TAF10: variants seen among roughly 807,000 people sequenced by gnomAD.
TAF10 encodes the protein transcription initiation factor TFIID subunit 10.
TAF10 carries 2 observed loss-of-function variants against 18.1 expected under a neutral mutation model. That is an observed-to-expected ratio of 0.11 (90% CI 0.05 to 0.35). TAF10 has a LOEUF of 0.35. TAF10 is among the 10% of genes least tolerant of loss of function. The pLI is 1.00. For synonymous variants in TAF10, 158 were observed against 134.6 expected (o/e 1.17, Z -1.20); for missense variants, 293 against 306.9 (o/e 0.95, Z 0.34).
Position 6,608,532 on chromosome 11 carries a change from A to C in TAF10, c.*2390T>G. ...AATTCCTGAGATGGGTAGGAAGTAA[A>C]GTCTGAGCCTTGGTGGGAGATTTTG... On this transcript the variant is annotated 3_prime_UTR_variant, in exon 5 of 5. Coordinates refer to ENST00000299424, the MANE Select transcript of TAF10 (RefSeq NM_006284.4). The surrounding 1 kb of genome is among the most constrained non-coding windows in gnomAD (Gnocchi z 4.9). 1 of 1,532,564 alleles carries C rather than the reference A, an allele frequency of 6.5e-7. No individual in the cohort carries two copies. The highest frequency in any genetic ancestry group is 9.0e-7 in the Non-Finnish European group (1 of 1,105,696). The allele number at this position is 1,532,564 out of a possible 1,614,324, so 94.9% of individuals were successfully genotyped here. A position where few individuals can be genotyped will look rare whatever the true frequency, so the allele number is the denominator to read the frequency against.
At position 6,609,015 on chromosome 11, in the gene TAF10, GC is replaced by G; in HGVS notation, c.*1906del. On this transcript the variant is annotated 3_prime_UTR_variant, in exon 5 of 5. Transcript: ENST00000299424. ...AGGGTTGTAAAAGGAAATAATCCTGGCCTCTTGGGGCTGGGTTAGGGTGAAG... is the reference window on the plus strand; with the variant it reads ...AGGGTTGTAAAAGGAAATAATCCTGGCTCTTGGGGCTGGGTTAGGGTGAAG... 6.2e-7 allele frequency: 1 copy of G among 1,612,404 alleles called. No individual in the cohort carries two copies. The highest frequency in any genetic ancestry group is 1.6e-4 in the Middle Eastern group (1 of 6,062).
rs1243705654 is a variant in TAF10 at position 6,610,032 on chromosome 11, G to A, written c.*890C>T. The A allele has an allele frequency of 6.2e-7, 1 of 1,614,030 alleles. No individual in the cohort carries two copies. The highest frequency in any genetic ancestry group is 1.3e-5 in the African/African-American group (1 of 74,918). ...GTATGCACCTGCCTGGGTAGCCCCC[G>A]AAGGTGAGTGAAGTCATCATGTCGG... On this transcript the variant is annotated 3_prime_UTR_variant, in exon 5 of 5. Coordinates refer to ENST00000299424, the MANE Select transcript of TAF10 (RefSeq NM_006284.4).
Position 6,609,839 on chromosome 11 carries a change from T to C in TAF10, c.*1083A>G, listed in dbSNP as rs1400837823. ...CACGACATGCACTCAATAGCCGTAGTGTAATGGTGAGGCCACAAGCTCACT... is the reference window on the plus strand; with the variant it reads ...CACGACATGCACTCAATAGCCGTAGCGTAATGGTGAGGCCACAAGCTCACT... On this transcript the variant is annotated 3_prime_UTR_variant, in exon 5 of 5. Coordinates refer to ENST00000299424, the MANE Select transcript of TAF10 (RefSeq NM_006284.4). The C allele has an allele frequency of 1.9e-6, 3 of 1,614,194 alleles. No homozygotes were observed. Among genetic ancestry groups the C allele is most frequent in the Non-Finnish European group, 2.5e-6 (3 of 1,180,032 alleles).
Position 6,608,192 on chromosome 11 carries a change from A to G in TAF10, c.*2730T>C. ...CTGCATCTGGCAGCCAGTCATGGAC[A>G]CCGTGATATTGTACAGAAGGTACGT... On this transcript the variant is annotated 3_prime_UTR_variant, in exon 5 of 5. Transcript: ENST00000299424. The surrounding 1 kb of genome is among the most constrained non-coding windows in gnomAD (Gnocchi z 4.9). 6.2e-7 allele frequency: 1 copy of G among 1,614,182 alleles called. No individual in the cohort carries two copies. The highest frequency in any genetic ancestry group is 8.5e-7 in the Non-Finnish European group (1 of 1,180,038).
intron 2 of TAF10, 34 bp from the exon 3 acceptor site, chr11:6,611,486 C>T (rs754749868): frequency 1.1e-5 from 18 of 1,612,780 alleles, no homozygotes; most frequent in Non-Finnish European, 1.4e-5. Flanking sequence ...GTCAGCAGAG[C>T]GGGAGGAGGG....
In TAF10 at chr11:6,609,775, G is replaced by A; in HGVS notation, c.*1147C>T. 1.2e-6 allele frequency: 2 copies of A among 1,614,230 alleles called. No homozygotes were observed. Among genetic ancestry groups the A allele is most frequent in the Non-Finnish European group, 1.7e-6 (2 of 1,180,032 alleles). ...GTGAAGTTTGCTTTGGACATGGCAA[G>A]GGGCATGGCCTTCCTACACACACTA... On this transcript the variant is annotated 3_prime_UTR_variant, in exon 5 of 5. Transcript: ENST00000299424.
chr11:6,609,581 T>A lies in TAF10; in HGVS notation c.*1341A>T. 1 of 1,614,140 alleles carries A rather than the reference T, an allele frequency of 6.2e-7. No individual in the cohort carries two copies. Among genetic ancestry groups the A allele is most frequent in the East Asian group, 2.2e-5 (1 of 44,882 alleles). ...AGTCTCCACCTGCTCCTCATCCTAC[T>A]CTCATCACACACTGGATGCCGTATG... On this transcript the variant is annotated 3_prime_UTR_variant, in exon 5 of 5. Transcript: ENST00000299424.
chr11:6,611,694 G>T lies in TAF10; in HGVS notation c.357C>A (p.Phe119Leu). The change falls in exon 2 of 5, where the codon TTC becomes TTA. Residue 119 changes from phenylalanine to leucine, a missense_variant. Transcript: ENST00000299424. ...GCGTGTAATCTTCCAGCTGCATCAAGAAGTCCACCAAAGGCGTGCTGGACA... is the reference window on the plus strand; with the variant it reads ...GCGTGTAATCTTCCAGCTGCATCAATAAGTCCACCAAAGGCGTGCTGGACA... ...PVVSSTPLVD[F>L]LMQLEDYTPT... The T allele has an allele frequency of 6.2e-7, 1 of 1,605,024 alleles. No homozygotes were observed. Among genetic ancestry groups the T allele is most frequent in the South Asian group, 1.1e-5 (1 of 90,080 alleles).
At position 6,612,098 on chromosome 11, in the gene TAF10, G is replaced by C; in HGVS notation, c.92C>G (p.Ala31Gly). 1.6e-6 allele frequency: 2 copies of C among 1,227,944 alleles called. No individual in the cohort carries two copies. The highest frequency in any genetic ancestry group is 2.0e-6 in the Non-Finnish European group (2 of 985,680). The allele number at this position is 1,227,944 out of a possible 1,614,324, so 76.1% of individuals were successfully genotyped here. Residue 31 changes from alanine to glycine, a missense_variant, in exon 1 of 5, where the codon GCC (alanine) becomes GGC (glycine). Ala to Gly is a moderately conservative substitution (Grantham distance 60). Transcript: ENST00000299424. ...CGCGGCGGTGCTGGAGGGCAGCGCG[G>C]CGGGAGCCGAGACCGGGGGCGCGGG... ...PGPAPPVSAP[A>G]ALPSSTAAEN...
chr11:6,611,539 T>G, intron 2 of TAF10, 87 bp from the exon 3 acceptor site: 3 of 1,595,798 alleles, frequency 1.9e-6, no homozygotes, highest in East Asian at 2.2e-5. Context: ...GCTCACAGTT[T>G]GGGTGAGCAG....
At chr11:6,611,037 C>A (rs747171578) in intron 4 of TAF10, 26 bp from the exon 5 acceptor site, 1 of 1,612,536 alleles carries the variant, frequency 6.2e-7, no homozygotes, top group Non-Finnish European at 8.5e-7. Flanking sequence ...AGAGCACCAA[C>A]TGAGCACAGG....
chr11:6,611,993 G>A lies in TAF10; in HGVS notation c.197C>T (p.Ala66Val). The change falls in exon 1 of 5, where the codon GCG becomes GTG. Residue 66 changes from alanine to valine, a missense_variant. Coordinates refer to ENST00000299424, the MANE Select transcript of TAF10 (RefSeq NM_006284.4). ...CCGCTCAGCTGGCTCCCCGGCCCGC[G>A]CCGCCAAGGGTCCCGTGCCCCCAGC... ...AAAGGTGPLA[A>V]RAGEPAERRG... The A allele has an allele frequency of 6.4e-7, 1 of 1,552,218 alleles. No individual in the cohort carries two copies. Among genetic ancestry groups the A allele is most frequent in the Non-Finnish European group, 8.6e-7 (1 of 1,156,762 alleles).
At position 6,612,011 on chromosome 11, in the gene TAF10, C is replaced by A. The variant is rs962462267; in HGVS notation, c.179G>T (p.Gly60Val). The change falls in exon 1 of 5, where the codon GGC becomes GTC. Residue 60 changes from glycine (G) to valine (V), a missense_variant. By Grantham distance (109) the Gly-to-Val change is moderately radical (BLOSUM62 -3). Transcript: ENST00000299424. ...GGPGAGAAAGGTGPLAARAGE... is the reference protein window; with the variant it reads ...GGPGAGAAAGVTGPLAARAGE... ...GGCCCGCGCCGCCAAGGGTCCCGTG[C>A]CCCCAGCAGCTGCTCCAGCCCCAGG... 1.3e-6 allele frequency: 2 copies of A among 1,540,026 alleles called. No homozygotes were observed. The highest frequency in any genetic ancestry group is 2.4e-5 in the East Asian group (1 of 40,828).
rs770596959 is a variant in TAF10, at chr11:6,610,290, A to G, written c.*632T>C. The G allele has an allele frequency of 3.1e-6, 5 of 1,614,178 alleles. No homozygotes were observed. In the South Asian group the frequency reaches 5.5e-5, roughly 18 times the overall value. ...AGATTGGAATGAAGGTGAGAGCACA[A>G]CAGCATACATTTGTGTTGCGGGAGT... On this transcript the variant is annotated 3_prime_UTR_variant, in exon 5 of 5. Coordinates refer to ENST00000299424, the MANE Select transcript of TAF10 (RefSeq NM_006284.4).
chr11:6,612,193 G>C lies in TAF10; in HGVS notation c.-4C>G. 8.1e-7 allele frequency: 1 copy of C among 1,237,364 alleles called. No homozygotes were observed. The highest frequency in any genetic ancestry group is 1.0e-6 in the Non-Finnish European group (1 of 980,550). 76.6% of individuals were successfully genotyped at this position (1,237,364 alleles called of 1,614,324 possible). A position where few individuals can be genotyped will look rare whatever the true frequency, so the allele number is the denominator to read the frequency against. On this transcript the variant is annotated 5_prime_UTR_variant, in exon 1 of 5. Transcript: ENST00000299424. Reference sequence around the variant, plus strand: ...CGCCGGAGCCGCTGCAGCTCATCGGGCCGGTGGGAGAGGCGGCGAACAGAG... The same window carrying C: ...CGCCGGAGCCGCTGCAGCTCATCGGCCCGGTGGGAGAGGCGGCGAACAGAG...
In TAF10 at chr11:6,608,107, G is replaced by T; in HGVS notation, c.*2815C>A. Reference sequence around the variant, plus strand: ...CCGAGAGGGCCGCTCTGCTGTGGTTGAGATGTTGATCATGCGGGGGGCACG... The same window carrying T: ...CCGAGAGGGCCGCTCTGCTGTGGTTTAGATGTTGATCATGCGGGGGGCACG... On this transcript the variant is annotated 3_prime_UTR_variant, in exon 5 of 5. Coordinates refer to ENST00000299424, the MANE Select transcript of TAF10 (RefSeq NM_006284.4). This position sits in a 1 kb window ranked among gnomAD's most constrained non-coding sequence, Gnocchi z 4.9. 6.2e-7 allele frequency: 1 copy of T among 1,614,184 alleles called. No homozygotes were observed. Among genetic ancestry groups the T allele is most frequent in the South Asian group, 1.1e-5 (1 of 91,084 alleles).
Position 6,610,612 on chromosome 11 carries a change from G to A in TAF10, c.*310C>T, listed in dbSNP as rs1855410741. 1.9e-6 allele frequency: 3 copies of A among 1,614,194 alleles called. No individual in the cohort carries two copies. Among genetic ancestry groups the A allele is most frequent in the Middle Eastern group, 1.6e-4 (1 of 6,062 alleles). On this transcript the variant is annotated 3_prime_UTR_variant, in exon 5 of 5. Coordinates refer to ENST00000299424, the MANE Select transcript of TAF10 (RefSeq NM_006284.4). ...CCTTGAGAAGATGCAGGACAAGTAG[G>A]ACTGGAAGGTCCTTGCCTGAACTCC...
At position 6,612,023 on chromosome 11, in the gene TAF10, G is replaced by T; in HGVS notation, c.167C>A (p.Ala56Glu). The T allele has an allele frequency of 6.6e-7, 1 of 1,525,254 alleles. No individual in the cohort carries two copies. Among genetic ancestry groups the T allele is most frequent in the African/African-American group, 1.4e-5 (1 of 71,752 alleles). 94.5% of individuals were successfully genotyped at this position (1,525,254 alleles called of 1,614,324 possible). Residue 56 changes from alanine (A) to glutamate (E), a missense_variant, in exon 1 of 5, where the codon GCA becomes GAA. By Grantham distance (107) the Ala-to-Glu change is moderately radical. Coordinates refer to ENST00000299424, the MANE Select transcript of TAF10 (RefSeq NM_006284.4). ...CAAGGGTCCCGTGCCCCCAGCAGCT[G>T]CTCCAGCCCCAGGTCCCCCCGCTGT... is the stretch of plus-strand genomic sequence containing the variant. ...AGTAGGPGAGAAAGGTGPLAA... is the reference protein window; with the variant it reads ...AGTAGGPGAGEAAGGTGPLAA...
rs926494310 is a variant in TAF10, at chr11:6,611,832, A to T, written c.233-14T>A. ...CCGACACCGGAGCTGGAGGAGAACC[A>T]GCAAAATGAGACACAGAGGTGGGAG... On this transcript the variant is annotated splice_polypyrimidine_tract_variant and intron_variant, in intron 1 of 4. Coordinates refer to ENST00000299424, the MANE Select transcript of TAF10 (RefSeq NM_006284.4). The T allele has an allele frequency of 6.9e-6, 11 of 1,602,296 alleles. No homozygotes were observed. Among genetic ancestry groups the T allele is most frequent in the Non-Finnish European group, 9.4e-6 (11 of 1,174,306 alleles).
Sources: allele counts gnomAD v4.1 joint callset, GRCh38; gene constraint gnomAD v4.1.1; non-coding constraint Gnocchi (gnomAD v3.1); transcripts MANE v1.5; gene names NCBI Gene and HGNC (gene_info 2026-07-23, HGNC 2026-07-21).